ATP10B: variants seen among roughly 807,000 people sequenced by gnomAD.
The protein encoded by ATP10B is phospholipid-transporting ATPase VB.
A neutral mutation model predicts 141.2 loss-of-function variants in ATP10B; 122 were observed. The ratio of observed to expected loss-of-function variants is 0.86; its 90% CI spans 0.75 to 1.00. ATP10B has a LOEUF of 1.00. Ranked by LOEUF, ATP10B falls within the 50% of genes least tolerant of loss-of-function variation. ATP10B has a pLI of 0.00. For missense variants in ATP10B, 1,876 were observed against 1,825.3 expected, an observed-to-expected ratio of 1.03 and a Z score of -0.51; for synonymous variants, 685 against 692.0, an observed-to-expected ratio of 0.99 and a Z score of 0.16.
the ATP10B span, among the ~76,000 whole-genome samples, chr5:160,885,199 G>GA: frequency 6.6e-6 from 1 of 152,234 alleles, no homozygotes; most frequent in Non-Finnish European, 1.5e-5. Context: ...AGTAAACAGA[G>GA]AAAACTGATG....
At chr5:160,675,365 G>A (rs1262156511) in intron 6 of ATP10B, among the ~76,000 whole-genome samples, 1 of 152,226 alleles carries the variant, frequency 6.6e-6, no homozygotes, top group Non-Finnish European at 1.5e-5. Context: ...ATTAAGTGGT[G>A]CAGTGCTAAA....
chr5:160,886,971 T>G, the ATP10B span, among the ~76,000 whole-genome samples: 2 of 152,314 alleles, frequency 1.3e-5, no homozygotes, highest in Admixed American at 1.3e-4. Flanking sequence ...TCCTGGGTAA[T>G]CAAATACCCA....
intron 1 of ATP10B, among the ~76,000 whole-genome samples, chr5:160,799,169 A>G (rs1453212338): frequency 1.3e-5 from 2 of 152,128 alleles, no homozygotes; most frequent in African/African-American, 4.8e-5. Context: ...AATGAGTAAA[A>G]AGAAGTCCTC....
chr5:160,722,036 A>G (rs1766033419), intron 2 of ATP10B, among the ~76,000 whole-genome samples: 1 of 152,140 alleles, frequency 6.6e-6, no homozygotes, highest in African/African-American at 2.4e-5. Context: ...GGCTGTGAGG[A>G]TTCCATGAAA....
intron 1 of ATP10B, among the ~76,000 whole-genome samples, chr5:160,802,761 G>A (rs1185233025): frequency 1.3e-5 from 2 of 152,206 alleles, no homozygotes; most frequent in Admixed American, 1.3e-4. Flanking sequence ...GGGGCAGCTT[G>A]GTTTCAGACT....
chr5:160,880,160 TATAA>T, the ATP10B span, among the ~76,000 whole-genome samples: 34 of 147,138 alleles, frequency 2.3e-4, no homozygotes, highest in African/African-American at 8.1e-4. Flanking sequence ...ATATATAAAA[TATAA>T]ATAAAAATAT....
Position 160,620,605 on chromosome 5 carries a change from C to T in ATP10B, c.2158G>A (p.Glu720Lys). The change falls in exon 15 of 26, where the codon GAG (glutamate) becomes AAG (lysine). Residue 720 changes from glutamate to lysine, a missense_variant. Coordinates refer to ENST00000327245, the MANE Select transcript of ATP10B (RefSeq NM_025153.3). ...LARPEFCYEA[E>K]SPDEAALVHA... Reference sequence around the variant, plus strand: ...ACCAGGGCGGCCTCATCAGGGCTCTCAGCCTCGTAACAGAACTCAGGCCTG... The same window carrying T: ...ACCAGGGCGGCCTCATCAGGGCTCTTAGCCTCGTAACAGAACTCAGGCCTG... 1 of 1,613,848 alleles carries T rather than the reference C, an allele frequency of 6.2e-7. No individual in the cohort carries two copies.
chr5:160,787,324 C>T (rs963960393), intron 1 of ATP10B, among the ~76,000 whole-genome samples: 1 of 152,156 alleles, frequency 6.6e-6, no homozygotes, highest in African/African-American at 2.4e-5. Context: ...ACTTCGTTCA[C>T]CGTATTTCCT....
intron 7 of ATP10B, among the ~76,000 whole-genome samples, chr5:160,666,641 G>A (rs1201695817): frequency 2.0e-5 from 3 of 152,084 alleles, no homozygotes; most frequent in Non-Finnish European, 2.9e-5. Context: ...TGTTCAATAC[G>A]TTAGGGAAAT....
chr5:160,632,950 A>G (rs1339132764), intron 12 of ATP10B: 1 of 152,286 alleles, frequency 6.6e-6, no homozygotes, highest in African/African-American at 2.4e-5. Context: ...TTATGCAGCC[A>G]ACAAACATAT....
At chr5:160,725,877 C>T (rs1308260135) in intron 2 of ATP10B, among the ~76,000 whole-genome samples, 1 of 152,094 alleles carries the variant, frequency 6.6e-6, no homozygotes, top group African/African-American at 2.4e-5. Context: ...AATCTGGAAA[C>T]CGAGGCCCTG....
intron 1 of ATP10B, among the ~76,000 whole-genome samples, chr5:160,830,349 G>C (rs947259649): frequency 6.6e-6 from 1 of 152,032 alleles, no homozygotes; most frequent in African/African-American, 2.4e-5. Context: ...TTTAATTGCT[G>C]TGTGTTTGTA....
intron 6 of ATP10B, among the ~76,000 whole-genome samples, chr5:160,679,486 G>T (rs1057079108): frequency 3.3e-5 from 5 of 152,176 alleles, no homozygotes; most frequent in Non-Finnish European, 7.3e-5. Context: ...TCCTCCTTCA[G>T]GGCTCTCCTG....
intron 9 of ATP10B, among the ~76,000 whole-genome samples, 192 bp from the exon 10 acceptor site, chr5:160,640,784 G>A (rs545896839): frequency 2.4e-4 from 37 of 152,318 alleles, no homozygotes; most frequent in African/African-American, 8.7e-4. Flanking sequence ...GGCACTCAGT[G>A]AGCATCCCCT....
chr5:160,890,276 G>GT, the ATP10B span, among the ~76,000 whole-genome samples: 49 of 152,118 alleles, frequency 3.2e-4, no homozygotes, highest in African/African-American at 4.6e-4. Context: ...ACCCTGCTGA[G>GT]TTTTTTTTGT....
At chr5:160,591,010 C>A in intron 23 of ATP10B, 49 bp downstream of exon 23, 7 of 1,419,500 alleles carry the variant, frequency 4.9e-6, no homozygotes, top group East Asian at 2.7e-5. Flanking sequence ...TAAAAAGGAC[C>A]AGTTCTTCTC....
At chr5:160,733,607 A>G (rs1235664769) in intron 2 of ATP10B, among the ~76,000 whole-genome samples, 1 of 151,780 alleles carries the variant, frequency 6.6e-6, no homozygotes, top group Non-Finnish European at 1.5e-5. Flanking sequence ...CGTTACATAT[A>G]TGTCACACAT....
chr5:160,610,388 C>G (rs1355240653), intron 18 of ATP10B, among the ~76,000 whole-genome samples: 2 of 152,168 alleles, frequency 1.3e-5, no homozygotes, highest in East Asian at 3.9e-4. Context: ...AACCACCCAC[C>G]TGTTGAGCCG....
chr5:160,857,324 T>A, the ATP10B span, among the ~76,000 whole-genome samples: 1 of 151,658 alleles, frequency 6.6e-6, no homozygotes, highest in African/African-American at 2.4e-5. Context: ...GTCCATTTTG[T>A]CTAGAGTTGT....
Sources: allele counts gnomAD v4.1 joint callset (sites outside exome capture counted in the v4.1 genomes callset), GRCh38; gene constraint gnomAD v4.1.1; transcripts MANE v1.5; gene names NCBI Gene and HGNC (gene_info 2026-07-23, HGNC 2026-07-21).